The following DDX10 variants were observed in gnomAD, a reference collection of about 807,000 sequenced individuals.
DDX10 encodes the protein probable ATP-dependent RNA helicase DDX10.
In DDX10, 74 loss-of-function variants were observed where a neutral mutation model predicts 104.3. The ratio of observed to expected loss-of-function variants is 0.71; its 90% CI spans 0.59 to 0.86. The LOEUF is 0.86. Among genes scored for constraint, DDX10 ranks in the 40% least tolerant of loss-of-function variants. DDX10 has a pLI of 0.00. For synonymous variants in DDX10, 351 were observed against 353.4 expected (o/e 0.99, Z 0.08); for missense variants, 952 against 1,040.0 (o/e 0.92, Z 1.16).
At chr11:108,707,555 T>C (rs989517945) in intron 10 of DDX10, among the ~76,000 whole-genome samples, 1 of 152,180 alleles carries the variant, frequency 6.6e-6, no homozygotes, top group Non-Finnish European at 1.5e-5. Context: ...CTTGTTTATA[T>C]AACCAGCTAT....
chr11:108,841,573 C>A, intron 15 of DDX10, 97 bp downstream of exon 15: 1 of 1,144,422 alleles, frequency 8.7e-7, no homozygotes, highest in African/African-American at 1.6e-5. Context: ...GTATTATTTT[C>A]TTCATTGTTT....
At chr11:108,866,196 G>A (rs1863006217) in intron 16 of DDX10, among the ~76,000 whole-genome samples, 1 of 152,076 alleles carries the variant, frequency 6.6e-6, no homozygotes, top group Admixed American at 6.6e-5. Context: ...CACAAATCCT[G>A]GGGAACAGCA....
chr11:108,888,456 T>C (rs1863330503), intron 16 of DDX10, among the ~76,000 whole-genome samples: 1 of 152,198 alleles, frequency 6.6e-6, no homozygotes, highest in Non-Finnish European at 1.5e-5. Context: ...AAGTAAAATA[T>C]ACTCTCTTCT....
chr11:108,719,713 C>G, intron 11 of DDX10, 84 bp from the exon 12 acceptor site: 3 of 748,932 alleles, frequency 4.0e-6, no homozygotes, highest in Non-Finnish European at 6.6e-6. Context: ...TTGAATTTAT[C>G]CCATTGGCTA....
intron 13 of DDX10, among the ~76,000 whole-genome samples, chr11:108,786,880 G>A (rs897455121): frequency 3.9e-5 from 6 of 152,108 alleles, no homozygotes; most frequent in Non-Finnish European, 7.4e-5. Flanking sequence ...TTTTGATCCT[G>A]TCTTTATGTT....
In DDX10 at chr11:108,678,308, T is replaced by A. The variant is rs1362800793; in HGVS notation, c.538-7T>A. The A allele has an allele frequency of 1.2e-6, 2 of 1,606,702 alleles. No individual in the cohort carries two copies. The highest frequency in any genetic ancestry group is 1.7e-6 in the Non-Finnish European group (2 of 1,177,526). On this transcript the variant is annotated splice_region_variant and splice_polypyrimidine_tract_variant and intron_variant, in intron 4 of 17. Coordinates refer to ENST00000322536, the MANE Select transcript of DDX10 (RefSeq NM_004398.4). Reference sequence around the variant, plus strand: ...TCTGTGTAATCAAAATAAATAACTGTTTTCAGGATCTAAAACACGAAGCTG... The same window carrying A: ...TCTGTGTAATCAAAATAAATAACTGATTTCAGGATCTAAAACACGAAGCTG...
At chr11:108,704,373 T>C (rs890923520) in intron 9 of DDX10, among the ~76,000 whole-genome samples, 7 of 152,166 alleles carry the variant, frequency 4.6e-5, no homozygotes, top group Admixed American at 3.9e-4. Flanking sequence ...GTCCTTATGG[T>C]TCCAAACAGA....
chr11:108,763,823 C>T (rs1294619543), intron 13 of DDX10, among the ~76,000 whole-genome samples: 2 of 151,976 alleles, frequency 1.3e-5, no homozygotes, highest in African/African-American at 4.8e-5. Context: ...CATTCTGTAT[C>T]TAGTAATAAT....
At chr11:108,684,923 GT>G (rs1343794362) in intron 6 of DDX10, among the ~76,000 whole-genome samples, 4 of 142,338 alleles carry the variant, frequency 2.8e-5, no homozygotes, top group East Asian at 4.2e-4. Flanking sequence ...TCTCATAGTG[GT>G]TTTGATTTGC....
intron 13 of DDX10, among the ~76,000 whole-genome samples, chr11:108,833,762 T>C (rs1862507629): frequency 6.6e-6 from 1 of 152,248 alleles, no homozygotes; most frequent in Non-Finnish European, 1.5e-5. Flanking sequence ...ATTGTTTTTT[T>C]TGACCTTTAT....
chr11:108,757,208 CCT>C (rs916775238), intron 13 of DDX10, among the ~76,000 whole-genome samples: 6 of 151,998 alleles, frequency 3.9e-5, no homozygotes, highest in Admixed American at 3.9e-4. Context: ...TTCCTTATTT[CCT>C]CTCTCTCTGC....
At chr11:108,717,402 C>T (rs985502510) in intron 11 of DDX10, among the ~76,000 whole-genome samples, 13 of 152,280 alleles carry the variant, frequency 8.5e-5, no homozygotes, top group African/African-American at 1.9e-4. Context: ...CTCCGCCTCC[C>T]GGGTTCAGGT....
intron 10 of DDX10, among the ~76,000 whole-genome samples, chr11:108,708,052 T>C (rs1287807022): frequency 2.3e-4 from 35 of 152,170 alleles, no homozygotes; most frequent in Non-Finnish European, 1.5e-4. Flanking sequence ...ATGTTTCATT[T>C]TGTAAGAAGC....
chr11:108,936,195 C>A (rs776962039), intron 17 of DDX10, among the ~76,000 whole-genome samples: 2 of 152,218 alleles, frequency 1.3e-5, no homozygotes, highest in Non-Finnish European at 2.9e-5. Context: ...ACTCTGTCAT[C>A]ATGTGTTCAG....
At chr11:108,817,970 A>G (rs2615755) in intron 13 of DDX10, among the ~76,000 whole-genome samples, 2 of 152,140 alleles carry the variant, frequency 1.3e-5, no homozygotes, top group Non-Finnish European at 2.9e-5. Flanking sequence ...TCTTATTTCA[A>G]CAACTGTCCT....
At chr11:108,762,976 A>G (rs894992076) in intron 13 of DDX10, among the ~76,000 whole-genome samples, 1 of 152,120 alleles carries the variant, frequency 6.6e-6, no homozygotes, top group Non-Finnish European at 1.5e-5. Context: ...GAATTTCCCT[A>G]TTATGCCTCA....
chr11:108,685,811 A>T (rs994840576), intron 6 of DDX10, among the ~76,000 whole-genome samples: 4 of 152,320 alleles, frequency 2.6e-5, no homozygotes, highest in African/African-American at 7.2e-5. Flanking sequence ...CTGTCAGTGT[A>T]TCTAAAATAG....
intron 13 of DDX10, among the ~76,000 whole-genome samples, chr11:108,765,532 C>T (rs1022413502): frequency 5.5e-4 from 83 of 152,158 alleles, no homozygotes; most frequent in Non-Finnish European, 1.8e-4. Context: ...AGTTTCACTT[C>T]AGCTGCCAAA....
chr11:108,716,021 T>C (rs2134469678), intron 11 of DDX10, 55 bp downstream of exon 11: 1 of 960,038 alleles, frequency 1.0e-6, no homozygotes, highest in East Asian at 2.4e-5. Context: ...GTAAAGTTTA[T>C]CATTTTCTGC....
Sources: allele counts gnomAD v4.1 joint callset (sites outside exome capture counted in the v4.1 genomes callset), GRCh38; gene constraint gnomAD v4.1.1; transcripts MANE v1.5; gene names NCBI Gene and HGNC (gene_info 2026-07-23, HGNC 2026-07-21).